The following WWTR1 variants were observed in gnomAD, a reference collection of about 807,000 sequenced individuals.
WWTR1 encodes WW domain containing transcription regulator 1.
A neutral mutation model predicts 40.1 loss-of-function variants in WWTR1; 13 were observed. The observed-to-expected ratio is 0.32, with a 90% CI of 0.21 to 0.52. WWTR1 has a LOEUF of 0.52. Ranked by LOEUF, WWTR1 falls within the 20% of genes least tolerant of loss-of-function variation. WWTR1 has a pLI of 0.97. For synonymous variants in WWTR1, 230 were observed against 210.1 expected (o/e 1.09, Z -0.82); for missense variants, 436 against 523.1 (o/e 0.83, Z 1.63).
At position 149,657,063 on chromosome 3, in the gene WWTR1, C is replaced by T; in HGVS notation, c.244G>A (p.Ala82Thr). The T allele has an allele frequency of 6.4e-7, 1 of 1,569,930 alleles. No homozygotes were observed. The change falls in exon 2 of 7, where the codon GCC (alanine) becomes ACC (threonine). Residue 82 changes from alanine to threonine, a missense_variant. Transcript: ENST00000360632. ...GACGAGTGCGAGCGGACATGCTGGG[C>T]ACCCCCAGCCAGTCGAGGCCCCGGG... is the stretch of plus-strand genomic sequence containing the variant. ...GHPGPRLAGGAQHVRSHSSPA... is the reference protein window; with the variant it reads ...GHPGPRLAGGTQHVRSHSSPA...
intron 3 of WWTR1, among the ~76,000 whole-genome samples, chr3:149,565,511 C>T (rs1041272835): frequency 6.6e-6 from 1 of 152,032 alleles, no homozygotes; most frequent in African/African-American, 2.4e-5. Context: ...TTTTTATATG[C>T]TATTATGTCC....
chr3:149,704,025 T>A (rs373526569), upstream of WWTR1, among the ~76,000 whole-genome samples: 76 of 152,278 alleles, frequency 5.0e-4, no homozygotes, highest in Middle Eastern at 6.8e-3. Context: ...TCACCAAGGC[T>A]GGAGTGCAGT....
At chr3:149,597,667 A>G (rs1321426468) in intron 2 of WWTR1, among the ~76,000 whole-genome samples, 2 of 152,102 alleles carry the variant, frequency 1.3e-5, no homozygotes, top group African/African-American at 4.8e-5. Context: ...TAGCATTTGA[A>G]GATAGACTCA....
At chr3:149,629,822 T>C (rs1035511865) in intron 2 of WWTR1, among the ~76,000 whole-genome samples, 1 of 152,092 alleles carries the variant, frequency 6.6e-6, no homozygotes, top group Non-Finnish European at 1.5e-5. Flanking sequence ...ATGAAAACCA[T>C]ATATGCAAAC....
chr3:149,594,911 C>A (rs1375236578), intron 2 of WWTR1, among the ~76,000 whole-genome samples: 5 of 131,444 alleles, frequency 3.8e-5, no homozygotes, highest in Non-Finnish European at 8.0e-5. Context: ...TTCTAAAGTA[C>A]TTAGGGAAAA....
intron 2 of WWTR1, among the ~76,000 whole-genome samples, chr3:149,596,857 A>C (rs562655926): frequency 6.6e-6 from 1 of 152,362 alleles, no homozygotes; most frequent in African/African-American, 2.4e-5. Flanking sequence ...GTGTTCCAAT[A>C]GTAGCTCCTA....
intron 1 of WWTR1, among the ~76,000 whole-genome samples, chr3:149,677,211 C>T (rs933154952): frequency 5.3e-5 from 8 of 152,092 alleles, no homozygotes; most frequent in African/African-American, 1.2e-4. Flanking sequence ...CCACCGCACC[C>T]GGCTGAGACT....
chr3:149,655,925 G>A (rs907461488), intron 2 of WWTR1, among the ~76,000 whole-genome samples: 1 of 152,196 alleles, frequency 6.6e-6, no homozygotes, highest in African/African-American at 2.4e-5. Flanking sequence ...GTTCTTAGGA[G>A]AGGAGTTTCC....
chr3:149,583,132 AT>A (rs1272213299), intron 2 of WWTR1, among the ~76,000 whole-genome samples: 1 of 151,950 alleles, frequency 6.6e-6, no homozygotes, highest in Non-Finnish European at 1.5e-5. Flanking sequence ...CACCTGACGA[AT>A]TTTTGTATTT....
At chr3:149,642,623 A>T (rs1712241805) in intron 2 of WWTR1, among the ~76,000 whole-genome samples, 1 of 151,676 alleles carries the variant, frequency 6.6e-6, no homozygotes, top group African/African-American at 2.4e-5. Context: ...AAAATACAAA[A>T]AATTAGCCAG....
intron 2 of WWTR1, among the ~76,000 whole-genome samples, chr3:149,643,935 T>C (rs184196297): frequency 1.3e-5 from 2 of 152,242 alleles, no homozygotes; most frequent in Non-Finnish European, 2.9e-5. Flanking sequence ...CTTTACAGGG[T>C]CCATCAGTAC....
chr3:149,722,032 A>G (rs1441629795), intron 4 of WWTR1, among the ~76,000 whole-genome samples: 1 of 152,144 alleles, frequency 6.6e-6, no homozygotes, highest in Non-Finnish European at 1.5e-5. Flanking sequence ...TTGAAGTACA[A>G]TTGCTCTCTT....
At chr3:149,654,361 C>T (rs1230464754) in intron 2 of WWTR1, among the ~76,000 whole-genome samples, 1 of 152,208 alleles carries the variant, frequency 6.6e-6, no homozygotes, top group Admixed American at 6.5e-5. Context: ...TGGCAGATTG[C>T]TTATCCTTAA....
chr3:149,685,258 T>C (rs1714606295), intron 1 of WWTR1, among the ~76,000 whole-genome samples: 1 of 152,150 alleles, frequency 6.6e-6, no homozygotes, highest in Non-Finnish European at 1.5e-5. Context: ...AACTGAAACA[T>C]AGAAGACCTG....
chr3:149,539,411 T>C (rs543905557), intron 4 of WWTR1, among the ~76,000 whole-genome samples: 2 of 152,242 alleles, frequency 1.3e-5, no homozygotes, highest in South Asian at 4.2e-4. Context: ...GGGGCCTTGC[T>C]CCCAGACAGG....
In WWTR1 at chr3:149,542,502, T is replaced by C; in HGVS notation, c.604A>G (p.Ser202Gly). 6.2e-7 allele frequency: 1 copy of C among 1,613,254 alleles called. No homozygotes were observed. Among genetic ancestry groups the C allele is most frequent in the Non-Finnish European group, 8.5e-7 (1 of 1,179,492 alleles). The change falls in exon 4 of 7, where the codon AGT (serine) becomes GGT (glycine). Residue 202 changes from serine (S) to glycine (G), a missense_variant. Physicochemically the swap from Ser to Gly is moderately conservative, Grantham distance 56. Coordinates refer to ENST00000360632, the MANE Select transcript of WWTR1 (RefSeq NM_015472.6). Reference protein sequence around the residue: ...NHQHQQQMAPSTLSQQNHPTQ... With the variant: ...NHQHQQQMAPGTLSQQNHPTQ... ...GGGTGGTTCTGCTGGCTCAGGGTAC[T>C]GGGGGCCATCTGCTGCTGGTGTTGG...
At position 149,520,773 on chromosome 3, in the gene WWTR1, T is replaced by A. The variant is rs963761362; in HGVS notation, c.*32A>T. The A allele has an allele frequency of 2.6e-6, 4 of 1,526,852 alleles. No individual in the cohort carries two copies. The Admixed American group carries it at 6.4e-5, about 24-fold the overall frequency. 94.6% of individuals were successfully genotyped at this position (1,526,852 alleles called of 1,614,324 possible). On this transcript the variant is annotated 3_prime_UTR_variant, in exon 7 of 7. Coordinates refer to ENST00000360632, the MANE Select transcript of WWTR1 (RefSeq NM_015472.6). ...TCCAAGAGGCCCAGGAAATGTAAGGTCATGGCTACATCCAAGTTACAATGG... is the reference window on the plus strand; with the variant it reads ...TCCAAGAGGCCCAGGAAATGTAAGGACATGGCTACATCCAAGTTACAATGG...
chr3:149,624,760 C>T (rs972407083), intron 2 of WWTR1, among the ~76,000 whole-genome samples: 19 of 150,908 alleles, frequency 1.3e-4, no homozygotes, highest in East Asian at 7.9e-4. Context: ...AGTGCAGTGG[C>T]GTGACCTCGG....
In WWTR1 at chr3:149,696,421, A is replaced by G. The variant is rs1714994210; in HGVS notation, c.-108+6703T>C. ...TTACAGGAATTCTCTTTTAGTTCTT[A>G]TGATGACCTTACAAGGTAAGTACTA... On this transcript the variant is annotated intron_variant, in intron 1 of 7. Transcript: ENST00000465804. Among the ~76,000 whole-genome samples, 3 of 152,216 alleles carry G rather than the reference A, an allele frequency of 2.0e-5. No homozygotes were observed. In the South Asian group the frequency reaches 6.2e-4, roughly 32 times the overall value.
Sources: gnomAD v4.1 joint callset for allele counts (sites outside exome capture counted in the v4.1 genomes callset) on GRCh38, gnomAD v4.1.1 for gene constraint, MANE v1.5 for transcripts, NCBI Gene and HGNC (gene_info 2026-07-23, HGNC 2026-07-21) for gene names.